The following CILP variants were observed in gnomAD, a reference collection of about 807,000 sequenced individuals.
CILP encodes the protein cartilage intermediate layer protein.
CILP carries 75 observed loss-of-function variants against 82.5 expected under a neutral mutation model. The observed-to-expected ratio is 0.91, with a 90% confidence interval of 0.75 to 1.10. The LOEUF is 1.10. CILP is among the 50% of genes least tolerant of loss of function. CILP has a pLI of 0.00. For missense variants in CILP, 1,479 were observed against 1,530.8 expected (o/e 0.97, Z 0.56); for synonymous variants, 530 against 580.3 (o/e 0.91, Z 1.25).
intron 4 of CILP, 98 bp downstream of exon 4, chr15:65,206,684 T>C (rs2088520395): frequency 2.2e-6 from 3 of 1,335,082 alleles, no homozygotes; most frequent in South Asian, 2.7e-5. Context: ...CGCATGTGTG[T>C]GATGCTGAGA....
chr15:65,202,626 C>G (rs1416710302), intron 7 of CILP, among the ~76,000 whole-genome samples: 1 of 151,964 alleles, frequency 6.6e-6, no homozygotes, highest in African/African-American at 2.4e-5. Context: ...TGGGGTTTCA[C>G]CATGTTGGCC....
chr15:65,204,518 G>C lies in CILP; in HGVS notation c.669C>G (p.Asp223Glu), dbSNP rs764443227. The C allele has an allele frequency of 6.8e-6, 11 of 1,613,562 alleles. No individual in the cohort carries two copies. Among genetic ancestry groups the C allele is most frequent in the Non-Finnish European group, 9.3e-6 (11 of 1,179,900 alleles). ...GGGAGACAGCCCCATGAAGCATGAA[G>C]TCCTGGCACATGCAGGCATCACAGT... Reference protein sequence around the residue: ...NADCDACMCQDFMLHGAVSLP... With the variant: ...NADCDACMCQEFMLHGAVSLP... The change falls in exon 6 of 9, where the codon GAC (aspartate) becomes GAG (glutamate). Residue 223 changes from aspartate to glutamate, a missense_variant. Asp to Glu is a conservative substitution (Grantham distance 45, BLOSUM62 2). Transcript: ENST00000261883.
chr15:65,197,632 G>A lies in CILP; in HGVS notation c.2654C>T (p.Ser885Leu). ...GATGGGCCCATTGCTCTCCTCAGCT[G>A]AGTTGGGCCTTGGCTTGGCCATGCT... Reference protein sequence around the residue: ...QISMAKPRPNSAEESNGPIYA... With the variant: ...QISMAKPRPNLAEESNGPIYA... Residue 885 changes from serine to leucine, a missense_variant, in exon 9 of 9, where the codon TCA (serine) becomes TTA (leucine). Coordinates refer to ENST00000261883, the MANE Select transcript of CILP (RefSeq NM_003613.4). 6.2e-7 allele frequency: 1 copy of A among 1,614,228 alleles called. No individual in the cohort carries two copies. The highest frequency in any genetic ancestry group is 8.5e-7 in the Non-Finnish European group (1 of 1,180,048).
At position 65,198,102 on chromosome 15, in the gene CILP, G is replaced by A; in HGVS notation, c.2184C>T (p.Thr728=). 1.2e-6 allele frequency: 2 copies of A among 1,614,218 alleles called. No individual in the cohort carries two copies. Among genetic ancestry groups the A allele is most frequent in the Non-Finnish European group, 8.5e-7 (1 of 1,180,042 alleles). The change falls in exon 9 of 9, where the codon ACC becomes ACT. Residue 728 remains threonine, a synonymous_variant. Transcript: ENST00000261883. ...NQRRNKREDR[T]FLVGNLEIRE... ...GAATCTCCAGGTTGCCCACCAGGAA[G>A]GTTCTGTCTTCTCTTTTGTTCCTCC...
intron 2 of CILP, among the ~76,000 whole-genome samples, chr15:65,209,012 C>CTTTTTTTTT (rs556369891): frequency 9.9e-4 from 69 of 69,990 alleles, no homozygotes; most frequent in South Asian, 2.8e-3. Context: ...GGGTTTTGAG[C>CTTTTTTTTT]TTTTTTTTTT....
intron 3 of CILP, 99 bp downstream of exon 3, chr15:65,207,573 C>A: frequency 9.3e-7 from 1 of 1,076,258 alleles, no homozygotes; most frequent in Non-Finnish European, 1.4e-6. Context: ...AAGTGGGTTT[C>A]CATGGGACCC....
Position 65,205,284 on chromosome 15 carries a change from TA to T in CILP, c.604+2del. 6.2e-7 allele frequency: 1 copy of T among 1,602,234 alleles called. No homozygotes were observed. The highest frequency in any genetic ancestry group is 8.5e-7 in the Non-Finnish European group (1 of 1,171,804). On this transcript the variant is annotated splice_donor_variant, in intron 5 of 8. Transcript: ENST00000261883. LOFTEE classifies it high-confidence loss of function. ...TGCCCAGTGCCAGGAGGGAGGGTGG[TA>T]CCTGTACAGTCCTGGCCCATGCAGT...
At position 65,198,430 on chromosome 15, in the gene CILP, T is replaced by C; in HGVS notation, c.1856A>G (p.Lys619Arg). Residue 619 changes from lysine (K) to arginine (R), a missense_variant, in exon 9 of 9, where the codon AAA becomes AGA. Physicochemically the swap from Lys to Arg is conservative, Grantham distance 26 (BLOSUM62 2). Coordinates refer to ENST00000261883, the MANE Select transcript of CILP (RefSeq NM_003613.4). ...YRQNGEPYIGKVKASVTFLDP... is the reference protein window; with the variant it reads ...YRQNGEPYIGRVKASVTFLDP... ...CAGGAAGGTCACACTGGCCTTCACT[T>C]TTCCTATGTAGGGCTCCCCATTCTG... The C allele has an allele frequency of 6.2e-7, 1 of 1,614,246 alleles. No individual in the cohort carries two copies. Among genetic ancestry groups the C allele is most frequent in the South Asian group, 1.1e-5 (1 of 91,086 alleles).
intron 4 of CILP, among the ~76,000 whole-genome samples, chr15:65,206,490 C>A (rs1362215387): frequency 2.0e-5 from 3 of 152,192 alleles, no homozygotes; most frequent in African/African-American, 7.2e-5. Context: ...AGCCCCACTT[C>A]AGAGCCTGTG....
In CILP at chr15:65,197,851, C is replaced by A. The variant is rs769873280; in HGVS notation, c.2435G>T (p.Cys812Phe). 13 of 1,614,138 alleles carry A rather than the reference C, an allele frequency of 8.1e-6. No individual in the cohort carries two copies. The South Asian group carries it at 1.4e-4, about 18-fold the overall frequency. Residue 812 changes from cysteine to phenylalanine, a missense_variant, in exon 9 of 9, where the codon TGT becomes TTT. Transcript: ENST00000261883. ...GTAGGCATCAGGGGACTGGTCATCACAGAAGGCAGGCACACAGGCCCCGTT... is the reference window on the plus strand; with the variant it reads ...GTAGGCATCAGGGGACTGGTCATCAAAGAAGGCAGGCACACAGGCCCCGTT... ...GPNGACVPAF[C>F]DDQSPDAYSA...
In CILP at chr15:65,197,025, G is replaced by C. The variant is rs755577789; in HGVS notation, c.3261C>G (p.Ala1087=). The C allele has an allele frequency of 2.1e-5, 34 of 1,614,086 alleles. No individual in the cohort carries two copies. Among genetic ancestry groups the C allele is most frequent in the Non-Finnish European group, 1.7e-6 (2 of 1,180,052 alleles). Residue 1087 remains alanine, a synonymous_variant, in exon 9 of 9, where the codon GCC becomes GCG. Coordinates refer to ENST00000261883, the MANE Select transcript of CILP (RefSeq NM_003613.4). The stretch of plus-strand genomic sequence containing the variant: ...AGCACCGGCCGAGCGCGATCTCCTT[G>C]GCCGTGCGAGGGTCCTGGTCAGTGA... ...YTVTDQDPRT[A]KEIALGRCFD...
At position 65,201,865 on chromosome 15, in the gene CILP, G is replaced by GGCTTACCTATGACAATCA. The variant is rs778591557; in HGVS notation, c.1175_1186+6dup. 6.6e-7 allele frequency: 1 copy of GGCTTACCTATGACAATCA among 1,521,310 alleles called. No individual in the cohort carries two copies. The highest frequency in any genetic ancestry group is 2.5e-5 in the East Asian group (1 of 39,452). The allele number at this position is 1,521,310 out of a possible 1,614,324, so 94.2% of individuals were successfully genotyped here. ...CCCAGGGGCCCCAGGGACCCAGACAGGCTTACCTATGACAATCAGCTGGGC... is the reference window on the plus strand; with the variant it reads ...CCCAGGGGCCCCAGGGACCCAGACAGGCTTACCTATGACAATCAGCTTACCTATGACAATCAGCTGGGC... On this transcript the variant is annotated splice_region_variant and intron_variant, in intron 8 of 8. Coordinates refer to ENST00000261883, the MANE Select transcript of CILP (RefSeq NM_003613.4).
intron 2 of CILP, among the ~76,000 whole-genome samples, chr15:65,208,798 T>C (rs1438074068): frequency 2.6e-5 from 4 of 152,170 alleles, no homozygotes; most frequent in African/African-American, 9.7e-5. Flanking sequence ...TGCTGCTTAA[T>C]TGGGGTGATA....
rs1012372223 is a variant in CILP at position 65,209,745 on chromosome 15, G to T, written c.11C>A (p.Thr4Asn). 6.2e-7 allele frequency: 1 copy of T among 1,613,842 alleles called. No homozygotes were observed. The highest frequency in any genetic ancestry group is 1.3e-5 in the African/African-American group (1 of 74,870). Residue 4 changes from threonine (T) to asparagine (N), a missense_variant, in exon 2 of 9, where the codon ACC (threonine) becomes AAC (asparagine). By Grantham distance (65) the Thr-to-Asn change is moderately conservative (BLOSUM62 0). Transcript: ENST00000261883. Reference sequence around the variant, plus strand: ...CAGGAAGGAGAACACCCAGGCCTTGGTCCCCACCATCTTTCCCCCAAGCCC... The same window carrying T: ...CAGGAAGGAGAACACCCAGGCCTTGTTCCCCACCATCTTTCCCCCAAGCCC... MVG[T>N]KAWVFSFLVL...
chr15:65,207,708 G>A lies in CILP; in HGVS notation c.118C>T (p.Pro40Ser), dbSNP rs2088533757. The A allele has an allele frequency of 4.3e-6, 7 of 1,614,068 alleles. No individual in the cohort carries two copies. The highest frequency in any genetic ancestry group is 5.9e-6 in the Non-Finnish European group (7 of 1,180,044). Residue 40 changes from proline (P) to serine (S), a missense_variant, in exon 3 of 9, where the codon CCC (proline) becomes TCC (serine). By Grantham distance (74) the Pro-to-Ser change is moderately conservative. Coordinates refer to ENST00000261883, the MANE Select transcript of CILP (RefSeq NM_003613.4). ...VRRVQPGKKN[P>S]SIFAKPADTL... The stretch of plus-strand genomic sequence containing the variant: ...TCGGCAGGCTTGGCAAAGATGCTGG[G>A]GTTCTTCTTCCCAGGCTGGACTCTT...
At chr15:65,202,743 T>C (rs560172192) in intron 7 of CILP, among the ~76,000 whole-genome samples, 3 of 151,672 alleles carry the variant, frequency 2.0e-5, no homozygotes, top group Non-Finnish European at 4.4e-5. Flanking sequence ...TTTGCTTTTA[T>C]TGGGAAAAGC....
chr15:65,202,459 G>A (rs2088468914), intron 7 of CILP, among the ~76,000 whole-genome samples: 2 of 151,400 alleles, frequency 1.3e-5, no homozygotes, highest in African/African-American at 4.9e-5. Flanking sequence ...ATGGAGTCTT[G>A]CTCTGTCGCC....
Position 65,198,934 on chromosome 15 carries a change from A to G in CILP, c.1352T>C (p.Val451Ala). ...QDNGIRCRDA[V>A]QNCCGISKTE... The stretch of plus-strand genomic sequence containing the variant: ...CTTGGAGATGCCACAGCAGTTCTGC[A>G]CAGCATCACGGCACCTGATCCCATT... The change falls in exon 9 of 9, where the codon GTG becomes GCG. Residue 451 changes from valine to alanine, a missense_variant. Physicochemically the swap from Val to Ala is moderately conservative, Grantham distance 64. Transcript: ENST00000261883. 1.2e-6 allele frequency: 2 copies of G among 1,614,060 alleles called. No homozygotes were observed. The highest frequency in any genetic ancestry group is 1.7e-6 in the Non-Finnish European group (2 of 1,180,022).
chr15:65,208,582 G>A (rs1242330685), intron 2 of CILP, among the ~76,000 whole-genome samples: 2 of 152,176 alleles, frequency 1.3e-5, no homozygotes, highest in Non-Finnish European at 2.9e-5. Context: ...CCTAATTGGG[G>A]CAGCGGTCCT....
Sources: gnomAD v4.1 joint callset for allele counts (sites outside exome capture counted in the v4.1 genomes callset) on GRCh38, gnomAD v4.1.1 for gene constraint, MANE v1.5 for transcripts, NCBI Gene and HGNC (gene_info 2026-07-23, HGNC 2026-07-21) for gene names.